Variants in OXNAD1 observed in about 807,000 individuals in gnomAD.
OXNAD1 encodes the protein oxidoreductase NAD binding domain containing 1.
A neutral mutation model predicts 32.9 loss-of-function variants in OXNAD1; 34 were observed. That is an observed-to-expected ratio of 1.03 (90% CI 0.79 to 1.38). OXNAD1 has a LOEUF of 1.38. Among genes scored for constraint, OXNAD1 ranks in the 40% most tolerant of loss-of-function variants. OXNAD1 has a pLI of 0.00. For synonymous variants in OXNAD1, 134 were observed against 135.2 expected, an observed-to-expected ratio of 0.99 and a Z score of 0.06; for missense variants, 407 against 379.4, an observed-to-expected ratio of 1.07 and a Z score of -0.60.
rs1341721709 is a variant in OXNAD1 at position 16,305,700 on chromosome 3, C to G, written c.*2138C>G. The G allele has an allele frequency of 6.6e-6, 1 of 152,198 alleles. No individual in the cohort carries two copies. The highest frequency in any genetic ancestry group is 1.5e-5 in the Non-Finnish European group (1 of 68,034). The allele number at this position is 152,198 out of a possible 1,614,324, so 9.4% of individuals were successfully genotyped here. ...TGCCTGGGTTCAGATCTCACCTATACTACTTACTAGGTAGATGACCTTGAG... is the reference window on the plus strand; with the variant it reads ...TGCCTGGGTTCAGATCTCACCTATAGTACTTACTAGGTAGATGACCTTGAG... On this transcript the variant is annotated 3_prime_UTR_variant, in exon 9 of 9. Transcript: ENST00000285083. The surrounding 1 kb of genome is among the most constrained non-coding windows in gnomAD (Gnocchi z 4.5).
In OXNAD1 at chr3:16,280,806, T is replaced by G. The variant is rs2065683804; in HGVS notation, c.184-5536T>G. Among the ~76,000 whole-genome samples, 1 of 152,226 alleles carries G rather than the reference T, an allele frequency of 6.6e-6. No individual in the cohort carries two copies. Among genetic ancestry groups the G allele is most frequent in the Non-Finnish European group, 1.5e-5 (1 of 68,036 alleles). The stretch of plus-strand genomic sequence containing the variant: ...TAAACAAGTGTGATGGAATTTCCTT[T>G]TAGATGCTGACTCTGCCTCAGCATT... On this transcript the variant is annotated intron_variant, in intron 4 of 8. Coordinates refer to ENST00000285083, the MANE Select transcript of OXNAD1 (RefSeq NM_138381.5). The surrounding 1 kb of genome is among the most constrained non-coding windows in gnomAD (Gnocchi z 4.5).
In OXNAD1 at chr3:16,297,190, A is replaced by T. The variant is rs1433531262; in HGVS notation, c.432+2193A>T. Among the ~76,000 whole-genome samples the T allele has an allele frequency of 6.6e-6, 1 of 152,210 alleles. No individual in the cohort carries two copies. Among genetic ancestry groups the T allele is most frequent in the African/African-American group, 2.4e-5 (1 of 41,450 alleles). ...TAAATGGACAAAGGATTGAACAGACACTTCAGTAAAAAAGGATATGATGAT... is the reference window on the plus strand; with the variant it reads ...TAAATGGACAAAGGATTGAACAGACTCTTCAGTAAAAAAGGATATGATGAT... On this transcript the variant is annotated intron_variant, in intron 6 of 8. Transcript: ENST00000285083. This position sits in a 1 kb window ranked among gnomAD's most constrained non-coding sequence, Gnocchi z 4.3.
chr3:16,306,849 C>T (rs1004126738), downstream of OXNAD1, among the ~76,000 whole-genome samples: 1 of 152,188 alleles, frequency 6.6e-6, no homozygotes, highest in Non-Finnish European at 1.5e-5. Context: ...ATGTCTGTCC[C>T]ACTTTTAATG....
At position 16,335,899 on chromosome 3, in the gene OXNAD1, C is replaced by T. The variant is rs1048988586; in HGVS notation, c.*31-1213C>T. 3.3e-5 allele frequency among the ~76,000 whole-genome samples: 5 copies of T among 152,168 alleles called. No homozygotes were observed. Among genetic ancestry groups the T allele is most frequent in the Non-Finnish European group, 5.9e-5 (4 of 68,028 alleles). On this transcript the variant is annotated intron_variant, in intron 9 of 9. Transcript: ENST00000435829. The surrounding 1 kb of genome is among the most constrained non-coding windows in gnomAD (Gnocchi z 4.7). ...TCTCAGGAGGCCACAGGCAGGACTC[C>T]GCAGGAGGGAAGTGGCCGACAGCAA...
Position 16,329,662 on chromosome 3 carries a change from C to T in OXNAD1, c.*31-7450C>T, listed in dbSNP as rs546651964. Among the ~76,000 whole-genome samples, 4 of 152,290 alleles carry T rather than the reference C, an allele frequency of 2.6e-5. No individual in the cohort carries two copies. Among genetic ancestry groups the T allele is most frequent in the South Asian group, 2.1e-4 (1 of 4,822 alleles). ...TCCTGAGAATCCCTGCCCCCATCCC[C>T]GTATTCCCAGTTTAAAGAGAGGAGG... On this transcript the variant is annotated intron_variant, in intron 9 of 9. Coordinates refer to the OXNAD1 transcript ENST00000435829. This position sits in a 1 kb window ranked among gnomAD's most constrained non-coding sequence, Gnocchi z 4.5.
chr3:16,270,848 A>C lies in OXNAD1; in HGVS notation c.-8-97A>C, dbSNP rs1575040287. The C allele has an allele frequency of 3.3e-6, 5 of 1,536,020 alleles. 1 individual carries two copies. In the Middle Eastern group the frequency reaches 7.3e-4, roughly 224 times the overall value. ...TAACTTGACTCATAATAGCACCAAC[A>C]GAAATCCACACTCTTCCTCACTGAC... On this transcript the variant is annotated intron_variant, in intron 2 of 8. Coordinates refer to ENST00000285083, the MANE Select transcript of OXNAD1 (RefSeq NM_138381.5).
At chr3:16,343,503 C>T (rs74807887) in intron 9 of OXNAD1, among the ~76,000 whole-genome samples, 2 of 152,214 alleles carry the variant, frequency 1.3e-5, no homozygotes, top group Non-Finnish European at 2.9e-5. Context: ...GTGTCTCCCG[C>T]ATCACTGTCA....
chr3:16,309,108 C>T (rs2067775374), downstream of OXNAD1, among the ~76,000 whole-genome samples: 1 of 152,152 alleles, frequency 6.6e-6, no homozygotes, highest in African/African-American at 2.4e-5. Context: ...TATACATATA[C>T]AACTGTGGGT....
intron 9 of OXNAD1, among the ~76,000 whole-genome samples, chr3:16,313,205 A>ATGTTTTTTTTTTTTTT (rs1664059397): frequency 9.6e-6 from 1 of 103,806 alleles, no homozygotes; most frequent in Non-Finnish European, 1.9e-5. Flanking sequence ...CACCCAGCGG[A>ATGTTTTTTTTTTTTTT]TTTTTTTTTT....
intron 4 of OXNAD1, among the ~76,000 whole-genome samples, chr3:16,273,419 C>G (rs548410273): frequency 1.5e-5 from 2 of 130,468 alleles, no homozygotes; most frequent in Non-Finnish European, 3.1e-5. Flanking sequence ...GAGTCTTGCT[C>G]TGTCACCCAG....
chr3:16,293,771 A>T (rs768718084), intron 5 of OXNAD1, among the ~76,000 whole-genome samples: 2 of 152,204 alleles, frequency 1.3e-5, no homozygotes, highest in Non-Finnish European at 2.9e-5. Flanking sequence ...TTCACCATTA[A>T]GTAGGATGTT....
At chr3:16,343,280 T>C (rs1265877488) in intron 9 of OXNAD1, among the ~76,000 whole-genome samples, 1 of 152,086 alleles carries the variant, frequency 6.6e-6, no homozygotes, top group African/African-American at 2.4e-5. Context: ...CATCTGGGAG[T>C]TGACAGTCCT....
At chr3:16,296,118 A>G (rs1279072985) in intron 6 of OXNAD1, among the ~76,000 whole-genome samples, 1 of 152,208 alleles carries the variant, frequency 6.6e-6, no homozygotes, top group African/African-American at 2.4e-5. Context: ...AGCAAGGTTC[A>G]GTTAGGAGAG....
At chr3:16,268,842 GTCA>G (rs1380702569) in intron 1 of OXNAD1, among the ~76,000 whole-genome samples, 1 of 152,152 alleles carries the variant, frequency 6.6e-6, no homozygotes, top group African/African-American at 2.4e-5. Context: ...ATGTAACTGT[GTCA>G]TTCTAGCCTT....
At chr3:16,273,387 T>TG (rs2065093840) in intron 4 of OXNAD1, among the ~76,000 whole-genome samples, 1 of 146,510 alleles carries the variant, frequency 6.8e-6, no homozygotes, top group Admixed American at 6.7e-5. Context: ...TTTTCTTGTT[T>TG]TTTTTTTTTT....
rs11425499 is a variant in OXNAD1 at position 16,344,330 on chromosome 3, G to GTTT, written c.*31-4836_*31-4834dup. On this transcript the variant is annotated intron_variant, in intron 9 of 9. Coordinates refer to the OXNAD1 transcript ENST00000606098. This position sits in a 1 kb window ranked among gnomAD's most constrained non-coding sequence, Gnocchi z 4.4. ...GTGGATTAGATCAGTAATTTTCAAG[G>GTTT]TTTTTTTTTTTTAATTAGTAGGATG... 6.8e-6 allele frequency among the ~76,000 whole-genome samples: 1 copy of GTTT among 147,372 alleles called. No homozygotes were observed. The highest frequency in any genetic ancestry group is 1.5e-5 in the Non-Finnish European group (1 of 66,574).
chr3:16,278,207 T>A (rs2065483883), intron 4 of OXNAD1, among the ~76,000 whole-genome samples: 1 of 152,248 alleles, frequency 6.6e-6, no homozygotes, highest in African/African-American at 2.4e-5. Flanking sequence ...GCTCCTATCC[T>A]CAGATTTTAA....
intron 1 of OXNAD1, among the ~76,000 whole-genome samples, chr3:16,268,313 CTTTTTTTTTTT>C (rs531751365): frequency 0.016 from 947 of 61,032 alleles, 32 homozygotes; most frequent in African/African-American, 0.042. Flanking sequence ...AAGAGAACTC[CTTTTTTTTTTT>C]TTTTTTTTTT....
chr3:16,278,160 C>G (rs922409260), intron 4 of OXNAD1, among the ~76,000 whole-genome samples: 1 of 152,212 alleles, frequency 6.6e-6, no homozygotes, highest in Non-Finnish European at 1.5e-5. Context: ...GACCCTGGGC[C>G]AGATCCTGGG....
Sources: gnomAD v4.1 joint callset for allele counts (sites outside exome capture counted in the v4.1 genomes callset) on GRCh38, gnomAD v4.1.1 for gene constraint, Gnocchi (gnomAD v3.1) non-coding constraint, MANE v1.5 for transcripts, NCBI Gene and HGNC (gene_info 2026-07-23, HGNC 2026-07-21) for gene names.